TNRC6B: variants seen among roughly 807,000 people sequenced by gnomAD.
TNRC6B encodes the protein trinucleotide repeat containing adaptor 6B.
Under a neutral mutation model 203.6 loss-of-function variants are expected in TNRC6B, and 52 were observed. That is an observed-to-expected ratio of 0.26 (90% confidence interval 0.20 to 0.32). The LOEUF is 0.32. Ranked by LOEUF, TNRC6B falls within the 10% of genes least tolerant of loss-of-function variation. TNRC6B has a pLI of 1.00. For synonymous variants in TNRC6B, 838 were observed against 845.7 expected, an observed-to-expected ratio of 0.99 and a Z score of 0.16; for missense variants, 1,923 against 2,286.2, an observed-to-expected ratio of 0.84 and a Z score of 3.24.
At chr22:40,150,966 A>T (rs958607000) in intron 3 of TNRC6B, among the ~76,000 whole-genome samples, 2 of 152,156 alleles carry the variant, frequency 1.3e-5, no homozygotes, top group East Asian at 3.9e-4. Context: ...CATACACCCA[A>T]AATCAAGCTC....
At chr22:40,294,267 T>C (rs759839232) in intron 12 of TNRC6B, among the ~76,000 whole-genome samples, 2 of 151,690 alleles carry the variant, frequency 1.3e-5, no homozygotes, top group African/African-American at 2.4e-5. Context: ...AATCAATCAG[T>C]CAATCAGTCA....
intron 1 of TNRC6B, among the ~76,000 whole-genome samples, chr22:40,211,508 C>A (rs1164833909): frequency 6.6e-6 from 1 of 152,140 alleles, no homozygotes; most frequent in Non-Finnish European, 1.5e-5. Flanking sequence ...TTACGTATAT[C>A]ATTTGTCGTC....
At chr22:40,307,588 GCTTC>G (rs1569063656) in intron 15 of TNRC6B, among the ~76,000 whole-genome samples, 2 of 151,940 alleles carry the variant, frequency 1.3e-5, no homozygotes, top group Non-Finnish European at 2.9e-5. Flanking sequence ...CTGCTGTGTG[GCTTC>G]CAGCTCTCCA....
intron 1 of TNRC6B, among the ~76,000 whole-genome samples, chr22:40,068,609 C>T (rs1011388141): frequency 6.6e-5 from 10 of 152,178 alleles, no homozygotes; most frequent in East Asian, 1.9e-4. Flanking sequence ...TGAGCCACCG[C>T]GCCTGGCCTC....
chr22:40,319,075 A>C lies in TNRC6B; in HGVS notation c.4975-2015A>C, dbSNP rs1004083526. Among the ~76,000 whole-genome samples, 4 of 152,214 alleles carry C rather than the reference A, an allele frequency of 2.6e-5. No individual in the cohort carries two copies. The South Asian group carries it at 8.3e-4, about 32-fold the overall frequency. ...AACAGAGCGAGACGCTGTTTCAAAG[A>C]AAAAAATGTTAATTATACACATACA... On this transcript the variant is annotated intron_variant, in intron 21 of 22. Transcript: ENST00000454349.
chr22:40,111,121 G>A (rs143421257), intron 1 of TNRC6B, among the ~76,000 whole-genome samples: 1 of 152,320 alleles, frequency 6.6e-6, no homozygotes, highest in Non-Finnish European at 1.5e-5. Context: ...AGACTTCACA[G>A]AACAGGTTTC....
chr22:40,225,994 G>C (rs953597804), intron 1 of TNRC6B, among the ~76,000 whole-genome samples: 3 of 152,140 alleles, frequency 2.0e-5, no homozygotes, highest in Non-Finnish European at 4.4e-5. Context: ...TCAAAATGCT[G>C]TATGTAAATC....
At chr22:40,263,478 G>A (rs1217073835) in intron 4 of TNRC6B, among the ~76,000 whole-genome samples, 1 of 152,232 alleles carries the variant, frequency 6.6e-6, no homozygotes, top group East Asian at 1.9e-4. Context: ...GGCCTAGGTG[G>A]AGACTGGGGT....
intron 1 of TNRC6B, among the ~76,000 whole-genome samples, chr22:40,180,695 C>G (rs567141069): frequency 3.2e-4 from 49 of 152,128 alleles, no homozygotes; most frequent in Non-Finnish European, 6.2e-4. Context: ...TAATTTGTGC[C>G]TTCTGTTGAA....
chr22:40,089,326 G>A (rs903995487), intron 1 of TNRC6B, among the ~76,000 whole-genome samples: 4 of 151,916 alleles, frequency 2.6e-5, no homozygotes, highest in South Asian at 2.1e-4. Flanking sequence ...TCCGCCTCCC[G>A]TGTTCAAGCG....
Position 40,273,456 on chromosome 22 carries a change from G to C in TNRC6B, c.2997G>C (p.Glu999Asp). 6.2e-7 allele frequency: 1 copy of C among 1,610,378 alleles called. No homozygotes were observed. The highest frequency in any genetic ancestry group is 8.5e-7 in the Non-Finnish European group (1 of 1,178,328). Residue 999 changes from glutamate (E) to aspartate (D), a missense_variant, in exon 7 of 23, where the codon GAG becomes GAC. Physicochemically the swap from Glu to Asp is conservative, Grantham distance 45. Transcript: ENST00000454349. ...NSKSMQDGWG[E>D]SDGPVTGARH... ...AATCTATGCAAGACGGCTGGGGGGA[G>C]AGTGACGGGCCAGTCACAGGAGCTC...
intron 1 of TNRC6B, among the ~76,000 whole-genome samples, chr22:40,113,197 G>A (rs1237229521): frequency 6.6e-6 from 1 of 152,210 alleles, no homozygotes; most frequent in African/African-American, 2.4e-5. Context: ...GATGTTTTTA[G>A]GAATGGACAG....
At chr22:40,106,783 C>G in intron 1 of TNRC6B, 1 of 908,686 alleles carries the variant, frequency 1.1e-6, no homozygotes, top group South Asian at 1.3e-5. Context: ...TACCTCTGAT[C>G]CTGATGGCAA....
chr22:40,220,544 G>A (rs2069694082), intron 1 of TNRC6B, among the ~76,000 whole-genome samples: 2 of 152,096 alleles, frequency 1.3e-5, no homozygotes, highest in African/African-American at 4.8e-5. Flanking sequence ...ATAAGTATGT[G>A]TACACTCTAT....
At chr22:40,239,067 G>A (rs535228473) in intron 1 of TNRC6B, among the ~76,000 whole-genome samples, 2 of 152,318 alleles carry the variant, frequency 1.3e-5, no homozygotes, top group African/African-American at 2.4e-5. Context: ...GCTGGGCGTG[G>A]TGGCAGGCGC....
At chr22:40,107,124 A>G in intron 1 of TNRC6B, 1 of 608,362 alleles carries the variant, frequency 1.6e-6, no homozygotes, top group Non-Finnish European at 2.9e-6. Flanking sequence ...CTTAATTTTC[A>G]TGTAGTCATG....
At chr22:40,066,032 T>A (rs187536390) in intron 1 of TNRC6B, among the ~76,000 whole-genome samples, 1 of 152,238 alleles carries the variant, frequency 6.6e-6, no homozygotes, top group East Asian at 1.9e-4. Flanking sequence ...TGTGCAGCTC[T>A]TTTCTCTCTT....
intron 1 of TNRC6B, among the ~76,000 whole-genome samples, chr22:40,183,912 A>G (rs963112902): frequency 1.3e-5 from 2 of 152,010 alleles, no homozygotes; most frequent in African/African-American, 4.8e-5. Context: ...GGCCAGGCTG[A>G]TCTCGAACTC....
chr22:40,099,373 C>G (rs779750539), intron 1 of TNRC6B, among the ~76,000 whole-genome samples: 1 of 152,114 alleles, frequency 6.6e-6, no homozygotes. Context: ...CATCTTTTCT[C>G]CACTGATTTG....
Sources: gnomAD v4.1 joint callset for allele counts (sites outside exome capture counted in the v4.1 genomes callset) on GRCh38, gnomAD v4.1.1 for gene constraint, MANE v1.5 for transcripts, NCBI Gene and HGNC (gene_info 2026-07-23, HGNC 2026-07-21) for gene names.